The following C19orf81 variants were observed in gnomAD, a reference collection of about 807,000 sequenced individuals.
The protein encoded by C19orf81 is putative uncharacterized protein C19orf81.
C19orf81 carries 19 observed loss-of-function variants against 22.1 expected under a neutral mutation model. That is an observed-to-expected ratio of 0.86 (90% CI 0.60 to 1.26). The LOEUF is 1.26. Among genes scored for constraint, C19orf81 ranks in the 50% most tolerant of loss-of-function variants. The pLI is 0.00. For missense variants in C19orf81, 287 were observed against 280.7 expected (o/e 1.02, Z -0.16); for synonymous variants, 108 against 113.1 (o/e 0.95, Z 0.29).
Position 50,659,044 on chromosome 19 carries a change from G to T in C19orf81, c.499G>T (p.Asp167Tyr), listed in dbSNP as rs549756528. The stretch of plus-strand genomic sequence containing the variant: ...TGCGCACCAGATCGTGCGCCACGAC[G>T]ACCTCCTGCTGGGCGACTACCGCCT... The part of the protein sequence containing the change: ...GLAHQIVRHD[D>Y]LLLGDYRLHL... The change falls in exon 5 of 5, where the codon GAC (aspartate) becomes TAC (tyrosine). Residue 167 changes from aspartate to tyrosine, a missense_variant. By Grantham distance (160) the Asp-to-Tyr change is radical. Transcript: ENST00000425202. The T allele has an allele frequency of 6.5e-7, 1 of 1,529,796 alleles. No individual in the cohort carries two copies. Among genetic ancestry groups the T allele is most frequent in the South Asian group, 1.2e-5 (1 of 83,110 alleles). 94.8% of individuals were successfully genotyped at this position (1,529,796 alleles called of 1,614,324 possible).
intron 3 of C19orf81, among the ~76,000 whole-genome samples, chr19:50,657,318 C>T (rs907865298): frequency 2.6e-5 from 4 of 152,214 alleles, no homozygotes; most frequent in Non-Finnish European, 4.4e-5. Context: ...ACTCTCCAGC[C>T]TCCCCTCTCA....
At chr19:50,657,195 A>AC (rs1195671263) in intron 3 of C19orf81, among the ~76,000 whole-genome samples, 1 of 151,938 alleles carries the variant, frequency 6.6e-6, no homozygotes, top group African/African-American at 2.4e-5. Context: ...CCTCCAAGGT[A>AC]CCCTCTCAGC....
intron 1 of C19orf81, among the ~76,000 whole-genome samples, chr19:50,653,841 A>AT (rs1984933653): frequency 6.6e-6 from 1 of 151,630 alleles, no homozygotes; most frequent in East Asian, 1.9e-4. Context: ...TTTGCTCTGG[A>AT]TGGGAGACTG....
chr19:50,653,682 GCACACACACACACA>G (rs57915687), intron 1 of C19orf81, among the ~76,000 whole-genome samples: 4,734 of 121,884 alleles, frequency 0.039, 266 homozygotes, highest in African/African-American at 0.11. Context: ...ATGAGAGACA[GCACACACACACACA>G]CACACACACA....
chr19:50,659,089 G>T lies in C19orf81; in HGVS notation c.544G>T (p.Val182Phe), dbSNP rs908818056. The change falls in exon 5 of 5, where the codon GTC (valine) becomes TTC (phenylalanine). Residue 182 changes from valine (V) to phenylalanine (F), a missense_variant. By Grantham distance (50) the Val-to-Phe change is conservative (BLOSUM62 -1). Transcript: ENST00000425202. ...CCGCCTGCACCTGCGCCGCTCCCTGGTCCGGCGGCGCATGCTCGAGGCCCT... is the reference window on the plus strand; with the variant it reads ...CCGCCTGCACCTGCGCCGCTCCCTGTTCCGGCGGCGCATGCTCGAGGCCCT... Reference protein sequence around the residue: ...DYRLHLRRSLVRRRMLEALGA... With the variant: ...DYRLHLRRSLFRRRMLEALGA... 1.3e-6 allele frequency: 2 copies of T among 1,503,434 alleles called. No individual in the cohort carries two copies. The highest frequency in any genetic ancestry group is 2.8e-5 in the African/African-American group (2 of 70,284). 93.1% of individuals were successfully genotyped at this position (1,503,434 alleles called of 1,614,324 possible).
intron 3 of C19orf81, 57 bp from the exon 4 acceptor site, chr19:50,657,932 T>C (rs1290432835): frequency 4.3e-5 from 64 of 1,478,864 alleles, no homozygotes; most frequent in Non-Finnish European, 5.7e-5. Context: ...TGGTGACTTC[T>C]GAACCCAAAA....
At chr19:50,656,144 T>C in intron 2 of C19orf81, 22 bp downstream of exon 2, 1 of 1,536,132 alleles carries the variant, frequency 6.5e-7, no homozygotes. Context: ...CTGGCCCCCA[T>C]GACCTCTATC....
In C19orf81 at chr19:50,658,102, C is replaced by G. The variant is rs1261316931; in HGVS notation, c.375C>G (p.Ile125Met). The G allele has an allele frequency of 2.0e-6, 3 of 1,535,236 alleles. No homozygotes were observed. Among genetic ancestry groups the G allele is most frequent in the Middle Eastern group, 1.7e-4 (1 of 5,978 alleles). ...TCCGCTTTGAGAACATGAACGTCAT[C>G]TGTGGGACTGCTGGGCGCCGGAACC... ...SSIRFENMNVICGTAGRRNRW... is the reference protein window; with the variant it reads ...SSIRFENMNVMCGTAGRRNRW... Residue 125 changes from isoleucine to methionine, a missense_variant, in exon 4 of 5, where the codon ATC becomes ATG. Physicochemically the swap from Ile to Met is conservative, Grantham distance 10. Transcript: ENST00000425202.
rs943249935 is a variant in C19orf81, at chr19:50,656,469, C to T, written c.261+123C>T. ...TTTTGGCTTATAAGCTGTGGGCTTG[C>T]CACCAGGACAGTTTGCTGAAAACTG... On this transcript the variant is annotated intron_variant, in intron 3 of 4. Coordinates refer to ENST00000425202, the MANE Select transcript of C19orf81 (RefSeq NM_001195076.2). 5.4e-6 allele frequency: 7 copies of T among 1,302,752 alleles called. No individual in the cohort carries two copies. The Admixed American group carries it at 8.4e-5, about 16-fold the overall frequency. The allele number at this position is 1,302,752 out of a possible 1,614,324, so 80.7% of individuals were successfully genotyped here.
intron 1 of C19orf81, among the ~76,000 whole-genome samples, chr19:50,652,014 C>T (rs995709290): frequency 2.0e-5 from 3 of 152,064 alleles, no homozygotes; most frequent in East Asian, 1.9e-4. Context: ...GACAGGGACT[C>T]ACTTTGTAAC....
intron 1 of C19orf81, among the ~76,000 whole-genome samples, chr19:50,650,747 A>C (rs1381722249): frequency 6.6e-6 from 1 of 152,272 alleles, no homozygotes; most frequent in Non-Finnish European, 1.5e-5. Flanking sequence ...TCCTGGCTCA[A>C]GTGATCCTCC....
Position 50,658,105 on chromosome 19 carries a change from T to C in C19orf81, c.378T>C (p.Cys126=), listed in dbSNP as rs1203324921. The C allele has an allele frequency of 5.9e-6, 9 of 1,533,824 alleles. No homozygotes were observed. The highest frequency in any genetic ancestry group is 7.9e-6 in the Non-Finnish European group (9 of 1,146,068). ...SIRFENMNVI[C]GTAGRRNRWL... ...GCTTTGAGAACATGAACGTCATCTG[T>C]GGGACTGCTGGGCGCCGGAACCGGT... is the stretch of plus-strand genomic sequence containing the variant. Residue 126 remains cysteine, a synonymous_variant, in exon 4 of 5, where the codon TGT becomes TGC. Coordinates refer to ENST00000425202, the MANE Select transcript of C19orf81 (RefSeq NM_001195076.2).
chr19:50,650,254 AG>A (rs1419157432), intron 1 of C19orf81, among the ~76,000 whole-genome samples: 3 of 152,136 alleles, frequency 2.0e-5, no homozygotes, highest in African/African-American at 7.2e-5. Context: ...TGACAACTTC[AG>A]GCTCCTAGCC....
At chr19:50,658,313 C>T (rs1364097401) in intron 4 of C19orf81, among the ~76,000 whole-genome samples, 185 bp downstream of exon 4, 2 of 135,942 alleles carry the variant, frequency 1.5e-5, no homozygotes, top group Non-Finnish European at 3.1e-5. Flanking sequence ...GGGCGGGCCC[C>T]GGAGCCACTA....
chr19:50,653,966 G>A (rs1175289474), intron 1 of C19orf81, among the ~76,000 whole-genome samples: 3 of 152,128 alleles, frequency 2.0e-5, no homozygotes, highest in African/African-American at 7.2e-5. Context: ...TCTGAGCTGG[G>A]AGGGGGGGAT....
Position 50,656,120 on chromosome 19 carries a change from C to T in C19orf81, c.138C>T (p.Ser46=), listed in dbSNP as rs751857046. The T allele has an allele frequency of 8.5e-6, 13 of 1,536,036 alleles. No homozygotes were observed. In the East Asian group the frequency reaches 2.9e-4, roughly 35 times the overall value. The change falls in exon 2 of 5, where the codon TCC becomes TCT. Residue 46 remains serine (S), a splice_region_variant and synonymous_variant. Transcript: ENST00000425202. ...GGAGCCTGGGCAGGCCCATCAAATC[C>T]TCGTGAGTTGTCCCTGGCCCCCATG... ...QARSLGRPIK[S]SKQYLRQVIA...
At chr19:50,658,607 T>G (rs1985059053) in intron 4 of C19orf81, 9 of 274,430 alleles carry the variant, frequency 3.3e-5, no homozygotes, top group Non-Finnish European at 6.1e-5. Context: ...ACTGAGCACA[T>G]AGTAGGTGTG....
Position 50,659,037 on chromosome 19 carries a change from C to T in C19orf81, c.492C>T (p.Arg164=). The change falls in exon 5 of 5, where the codon CGC becomes CGT. Residue 164 remains arginine (R), a synonymous_variant. Transcript: ENST00000425202. ...GCGGGCTTGCGCACCAGATCGTGCG[C>T]CACGACGACCTCCTGCTGGGCGACT... The part of the protein sequence containing the change: ...SPRGLAHQIV[R]HDDLLLGDYR... The T allele has an allele frequency of 1.3e-6, 2 of 1,529,796 alleles. No homozygotes were observed. The highest frequency in any genetic ancestry group is 1.7e-6 in the Non-Finnish European group (2 of 1,143,576). The allele number at this position is 1,529,796 out of a possible 1,614,324, so 94.8% of individuals were successfully genotyped here.
Position 50,657,857 on chromosome 19 carries a change from A to G in C19orf81, c.262-132A>G, listed in dbSNP as rs935527909. 2.6e-5 allele frequency: 31 copies of G among 1,211,770 alleles called. No homozygotes were observed. In the East Asian group the frequency reaches 5.3e-4, roughly 21 times the overall value. 75.1% of individuals were successfully genotyped at this position (1,211,770 alleles called of 1,614,324 possible). Reference sequence around the variant, plus strand: ...ATAGCGACAGTACCCTGGGATTAAGAGCGATCCTTGCCCCTCAAATGCCAC... The same window carrying G: ...ATAGCGACAGTACCCTGGGATTAAGGGCGATCCTTGCCCCTCAAATGCCAC... On this transcript the variant is annotated intron_variant, in intron 3 of 4. Transcript: ENST00000425202.
Sources: allele counts gnomAD v4.1 joint callset (sites outside exome capture counted in the v4.1 genomes callset), GRCh38; gene constraint gnomAD v4.1.1; transcripts MANE v1.5; gene names NCBI Gene and HGNC (gene_info 2026-07-23, HGNC 2026-07-21).